SUDS3: variants seen among roughly 807,000 people sequenced by gnomAD.
SUDS3 encodes sin3 histone deacetylase corepressor complex component SDS3.
Under a neutral mutation model 53.5 loss-of-function variants are expected in SUDS3, and 23 were observed. The ratio of observed to expected loss-of-function variants is 0.43; its 90% CI spans 0.31 to 0.61. The LOEUF (loss-of-function observed/expected upper bound fraction) is 0.61, where lower values mean the gene tolerates loss of function less well. Among genes scored for constraint, SUDS3 ranks in the 20% least tolerant of loss-of-function variants. The pLI, the probability that SUDS3 is intolerant of heterozygous loss-of-function variation, is 0.10. For missense variants in SUDS3, 291 were observed against 405.9 expected (o/e 0.72, Z 2.43); for synonymous variants, 150 against 148.5 (o/e 1.01, Z -0.08).
chr12:118,397,182 A>G (rs1440151074), intron 6 of SUDS3, among the ~76,000 whole-genome samples: 2 of 152,056 alleles, frequency 1.3e-5, no homozygotes, highest in Non-Finnish European at 2.9e-5. Context: ...TTGGTGCATG[A>G]TGTCGGAGAG....
chr12:118,411,425 G>A (rs140232339), intron 11 of SUDS3, among the ~76,000 whole-genome samples: 7 of 152,292 alleles, frequency 4.6e-5, no homozygotes, highest in East Asian at 3.9e-4. Context: ...TGGGAACCAC[G>A]GAGCTAGATT....
chr12:118,384,999 G>A (rs1254817779), intron 3 of SUDS3, among the ~76,000 whole-genome samples: 4 of 152,192 alleles, frequency 2.6e-5, no homozygotes, highest in African/African-American at 4.8e-5. Context: ...CATGAGGAGC[G>A]TCTAGCACAG....
chr12:118,407,858 A>G (rs2046321871), intron 10 of SUDS3, among the ~76,000 whole-genome samples: 1 of 149,968 alleles, frequency 6.7e-6, no homozygotes, highest in African/African-American at 2.5e-5. Flanking sequence ...AGCTGGGACT[A>G]CAGGCACACG....
chr12:118,405,517 C>T (rs1198581499), intron 10 of SUDS3, among the ~76,000 whole-genome samples: 2 of 152,220 alleles, frequency 1.3e-5, no homozygotes, highest in East Asian at 3.8e-4. Context: ...ATCTTTCTTA[C>T]ATTAACAGCA....
Position 118,376,833 on chromosome 12 carries a change from G to T in SUDS3, c.142G>T (p.Asp48Tyr). 1 of 1,536,634 alleles carries T rather than the reference G, an allele frequency of 6.5e-7. No homozygotes were observed. The highest frequency in any genetic ancestry group is 8.7e-7 in the Non-Finnish European group (1 of 1,148,602). The change falls in exon 1 of 12, where the codon GAC (aspartate) becomes TAC (tyrosine). Residue 48 changes from aspartate to tyrosine, a missense_variant and splice_region_variant. By Grantham distance (160) the Asp-to-Tyr change is radical. Transcript: ENST00000543473. Reference protein sequence around the residue: ...RSCRGRESDEDTEDASETDLA... With the variant: ...RSCRGRESDEYTEDASETDLA... ...CTGTCGGGGCCGCGAGTCGGACGAAGGTGAGTCCTGCCGCTCGCCCGGCCG... is the reference window on the plus strand; with the variant it reads ...CTGTCGGGGCCGCGAGTCGGACGAATGTGAGTCCTGCCGCTCGCCCGGCCG...
At chr12:118,391,322 G>C (rs2046165874) in intron 6 of SUDS3, 40 bp downstream of exon 6, 2 of 1,568,702 alleles carry the variant, frequency 1.3e-6, no homozygotes, top group Admixed American at 4.0e-5. Context: ...GGGGCCCTGA[G>C]CGGGGGGGTG....
chr12:118,410,451 T>C (rs941836662), intron 10 of SUDS3, among the ~76,000 whole-genome samples: 5 of 152,170 alleles, frequency 3.3e-5, no homozygotes, highest in Admixed American at 2.0e-4. Context: ...ATACATAGTT[T>C]TCCAACACTT....
intron 6 of SUDS3, among the ~76,000 whole-genome samples, chr12:118,392,551 ACAG>A: frequency 6.6e-6 from 1 of 152,220 alleles, no homozygotes; most frequent in East Asian, 1.9e-4. Flanking sequence ...GGATGCCAAA[ACAG>A]CAGCTAACAG....
intron 2 of SUDS3, among the ~76,000 whole-genome samples, chr12:118,382,666 CT>C (rs573617276): frequency 0.032 from 4,288 of 135,616 alleles, 108 homozygotes; most frequent in African/African-American, 0.082. Context: ...TGTGCCCAGC[CT>C]TTTTTTTTTT....
intron 5 of SUDS3, chr12:118,390,914 G>A: frequency 3.1e-6 from 2 of 641,382 alleles, no homozygotes; most frequent in Non-Finnish European, 5.8e-6. Flanking sequence ...TATCTGGGTA[G>A]CAAGTGAGGT....
chr12:118,402,234 T>C, intron 9 of SUDS3: 1 of 559,912 alleles, frequency 1.8e-6, no homozygotes, highest in Non-Finnish European at 3.1e-6. Context: ...GGATTTATCA[T>C]AAAAGAGACA....
intron 6 of SUDS3, 70 bp downstream of exon 6, chr12:118,391,352 C>T: frequency 9.2e-6 from 14 of 1,514,100 alleles, no homozygotes; most frequent in Non-Finnish European, 1.2e-5. Context: ...GTTCCAGTTA[C>T]TTTTGTCTTA....
chr12:118,391,328 G>C, intron 6 of SUDS3, 46 bp downstream of exon 6: 1 of 1,556,798 alleles, frequency 6.4e-7, no homozygotes, highest in Non-Finnish European at 8.6e-7. Context: ...CTGAGCGGGG[G>C]GGTGTGAAGG....
chr12:118,406,529 C>T (rs530482276), intron 10 of SUDS3, among the ~76,000 whole-genome samples: 6 of 152,154 alleles, frequency 3.9e-5, no homozygotes, highest in East Asian at 3.9e-4. Flanking sequence ...TAGTTTTGTT[C>T]GGTTTAATAG....
chr12:118,409,400 C>T (rs1349697879), intron 10 of SUDS3, among the ~76,000 whole-genome samples: 1 of 152,204 alleles, frequency 6.6e-6, no homozygotes, highest in African/African-American at 2.4e-5. Flanking sequence ...CCACCTTGGC[C>T]TCCCAAAGTG....
chr12:118,395,216 GTTTTTTTTTTTTTTT>G (rs71772462), intron 6 of SUDS3, among the ~76,000 whole-genome samples: 1,543 of 80,220 alleles, frequency 0.019, 74 homozygotes, highest in East Asian at 0.14. Context: ...TGGAATCAGG[GTTTTTTTTTTTTTTT>G]TTTTTTTTTT....
rs562087183 is a variant in SUDS3, at chr12:118,391,829, C to G, written c.517+547C>G. On this transcript the variant is annotated intron_variant, in intron 6 of 11. Transcript: ENST00000543473. Reference sequence around the variant, plus strand: ...ATTAGATCTCTCCTGCCAGGTGTTACTGAACATTTCAGAAAGATTTGATAT... The same window carrying G: ...ATTAGATCTCTCCTGCCAGGTGTTAGTGAACATTTCAGAAAGATTTGATAT... Among the ~76,000 whole-genome samples, 51 of 152,306 alleles carry G rather than the reference C, an allele frequency of 3.3e-4. No homozygotes were observed. In the South Asian group the frequency reaches 9.7e-3, roughly 29 times the overall value.
Position 118,393,859 on chromosome 12 carries a change from CAG to C in SUDS3, c.517+2578_517+2579del, listed in dbSNP as rs200629642. ...CTAATTTTTGTATTTTTAGTAGAGA[CAG>C]GGTTTCATCATGTTTGCCAGGCTGG... On this transcript the variant is annotated intron_variant, in intron 6 of 11. Transcript: ENST00000543473. 8.2e-3 allele frequency among the ~76,000 whole-genome samples: 1,243 copies of C among 151,868 alleles called. 22 individuals carry two copies. The highest frequency in any genetic ancestry group is 0.028 in the African/African-American group (1,162 of 41,376).
At chr12:118,406,718 C>T (rs566746655) in intron 10 of SUDS3, among the ~76,000 whole-genome samples, 72 of 146,664 alleles carry the variant, frequency 4.9e-4, no homozygotes, top group South Asian at 4.8e-3. Flanking sequence ...AAAAAAAAAA[C>T]GCACATTTTT....
Sources: allele counts gnomAD v4.1 joint callset (sites outside exome capture counted in the v4.1 genomes callset), GRCh38; gene constraint gnomAD v4.1.1; transcripts MANE v1.5; gene names NCBI Gene and HGNC (gene_info 2026-07-23, HGNC 2026-07-21).